The following RHPN2 variants were observed in gnomAD, a reference collection of about 807,000 sequenced individuals.
RHPN2 encodes rhophilin-2.
Under a neutral mutation model 79.0 loss-of-function variants are expected in RHPN2, and 40 were observed. The observed-to-expected ratio is 0.51, with a 90% CI of 0.39 to 0.66. The LOEUF is 0.66. Among genes scored for constraint, RHPN2 ranks in the 30% least tolerant of loss-of-function variants. RHPN2 has a pLI of 0.00. For missense variants in RHPN2, 686 were observed against 883.5 expected (o/e 0.78, Z 2.83); for synonymous variants, 285 against 363.5 (o/e 0.78, Z 2.46).
chr19:32,984,714 G>A (rs1374541994), intron 14 of RHPN2, among the ~76,000 whole-genome samples: 1 of 152,122 alleles, frequency 6.6e-6, no homozygotes, highest in African/African-American at 2.4e-5. Flanking sequence ...CTATTCGGGA[G>A]GCTGATTCAA....
intron 7 of RHPN2, among the ~76,000 whole-genome samples, chr19:33,007,274 G>A (rs1971798756): frequency 6.6e-6 from 1 of 151,816 alleles, no homozygotes; most frequent in Admixed American, 6.6e-5. Context: ...AACACCTGAG[G>A]TCAGGAGTTC....
intron 2 of RHPN2, among the ~76,000 whole-genome samples, chr19:33,034,605 C>CAAAAAAAAA (rs71176187): frequency 3.1e-5 from 3 of 95,682 alleles, no homozygotes; most frequent in African/African-American, 9.3e-5. Context: ...GACTCCGTCT[C>CAAAAAAAAA]AAAAAAAAAA....
At chr19:32,986,592 G>A (rs1971614570) in intron 14 of RHPN2, among the ~76,000 whole-genome samples, 2 of 151,982 alleles carry the variant, frequency 1.3e-5, no homozygotes, top group South Asian at 2.1e-4. Flanking sequence ...TCAGGAGTTC[G>A]AGACCAGCCT....
At position 32,993,835 on chromosome 19, in the gene RHPN2, C is replaced by T; in HGVS notation, c.1497+142G>A. 3 of 699,734 alleles carry T rather than the reference C, an allele frequency of 4.3e-6. No individual in the cohort carries two copies. The South Asian group carries it at 4.5e-5, about 10-fold the overall frequency. 43.3% of individuals were successfully genotyped at this position (699,734 alleles called of 1,614,324 possible). On this transcript the variant is annotated intron_variant, in intron 12 of 14. Coordinates refer to ENST00000254260, the MANE Select transcript of RHPN2 (RefSeq NM_033103.5). ...GTCTTGGACTTCCCAGCCTCCGGAA[C>T]TAAGAAATATATTTCTGCTGTCATA... is the stretch of plus-strand genomic sequence containing the variant.
At position 33,064,798 on chromosome 19, in the gene RHPN2, C is replaced by T. The variant is rs926832944; in HGVS notation, c.55G>A (p.Gly19Ser). The change falls in exon 1 of 15, where the codon GGC (glycine) becomes AGC (serine). Residue 19 changes from glycine to serine, a missense_variant. Coordinates refer to ENST00000254260, the MANE Select transcript of RHPN2 (RefSeq NM_033103.5). ...AAGCCGCCCACCTTCCGAAAGTAGC[C>T]GTCGTTCTCCTTCTCCAGCGGCTGG... is the stretch of plus-strand genomic sequence containing the variant. Reference protein sequence around the residue: ...APQPLEKENDGYFRKGCNPLA... With the variant: ...APQPLEKENDSYFRKGCNPLA... The T allele has an allele frequency of 2.1e-6, 3 of 1,434,694 alleles. No homozygotes were observed. The highest frequency in any genetic ancestry group is 2.5e-4 in the Middle Eastern group (1 of 3,950). 88.9% of individuals were successfully genotyped at this position (1,434,694 alleles called of 1,614,324 possible).
chr19:33,041,328 C>A (rs555821321), intron 2 of RHPN2, among the ~76,000 whole-genome samples: 1 of 152,312 alleles, frequency 6.6e-6, no homozygotes, highest in South Asian at 2.1e-4. Context: ...GAGACAGCCA[C>A]GTAATGGGTC....
Position 32,999,708 on chromosome 19 carries a change from G to T in RHPN2, c.1106-3C>A, listed in dbSNP as rs547986365. On this transcript the variant is annotated splice_polypyrimidine_tract_variant and splice_region_variant and intron_variant, in intron 9 of 14. Coordinates refer to ENST00000254260, the MANE Select transcript of RHPN2 (RefSeq NM_033103.5). ...GTCCAGATCCGTGCCTGGCTTCACT[G>T]CAAAGAGAACCACAGGTTAAATCCC... 5 of 1,611,424 alleles carry T rather than the reference G, an allele frequency of 3.1e-6. No individual in the cohort carries two copies. The East Asian group carries it at 1.1e-4, about 36-fold the overall frequency.
At chr19:32,987,072 C>T (rs1971618198) in intron 14 of RHPN2, among the ~76,000 whole-genome samples, 1 of 151,636 alleles carries the variant, frequency 6.6e-6, no homozygotes, top group South Asian at 2.1e-4. Context: ...GAGACAAGGT[C>T]TCGCCATGTT....
rs192441007 is a variant in RHPN2, at chr19:33,011,590, C to A, written c.593+89G>T. On this transcript the variant is annotated intron_variant, in intron 6 of 14. Transcript: ENST00000254260. ...GAAAGGGGGCTGAGGTGCACAGGGG[C>A]ACCCGCAGAGGGGCGTCTGTGATGC... 5.2e-3 allele frequency: 7,923 copies of A among 1,538,068 alleles called. 44 individuals are homozygous for A. The highest frequency in any genetic ancestry group is 9.3e-3 in the Middle Eastern group (49 of 5,268).
intron 4 of RHPN2, among the ~76,000 whole-genome samples, chr19:33,017,019 C>T (rs1296529590): frequency 1.3e-5 from 2 of 152,086 alleles, no homozygotes; most frequent in Admixed American, 1.3e-4. Context: ...AGAACATGAC[C>T]CAGTTGAATC....
At chr19:33,027,392 G>T in intron 2 of RHPN2, 1 of 152,702 alleles carries the variant, frequency 6.5e-6, no homozygotes, top group Non-Finnish European at 1.5e-5. Flanking sequence ...CATGCCTATA[G>T]TCCCAGGCAG....
intron 3 of RHPN2, among the ~76,000 whole-genome samples, chr19:33,024,653 A>C (rs1356736473): frequency 2.7e-5 from 4 of 148,870 alleles, no homozygotes; most frequent in African/African-American, 7.6e-5. Flanking sequence ...TTTCCGACTG[A>C]GTTTCCCCTG....
Position 33,064,831 on chromosome 19 carries a change from C to G in RHPN2, c.22G>C (p.Ala8Pro). The change falls in exon 1 of 15, where the codon GCG becomes CCG. Residue 8 changes from alanine to proline, a missense_variant. Physicochemically the swap from Ala to Pro is conservative, Grantham distance 27 (BLOSUM62 -1). Coordinates refer to ENST00000254260, the MANE Select transcript of RHPN2 (RefSeq NM_033103.5). MTDALLP[A>P]APQPLEKEND... The stretch of plus-strand genomic sequence containing the variant: ...TCCTTCTCCAGCGGCTGGGGGGCCG[C>G]GGGCAACAGCGCGTCGGTCATGCTA... 1.5e-6 allele frequency: 2 copies of G among 1,373,854 alleles called. No homozygotes were observed. The highest frequency in any genetic ancestry group is 1.9e-6 in the Non-Finnish European group (2 of 1,049,454). The allele number at this position is 1,373,854 out of a possible 1,614,324, so 85.1% of individuals were successfully genotyped here.
intron 1 of RHPN2, among the ~76,000 whole-genome samples, chr19:33,057,681 A>G (rs1168361164): frequency 7.6e-6 from 1 of 131,236 alleles, no homozygotes; most frequent in African/African-American, 3.6e-5. Flanking sequence ...ATCTCAAAAA[A>G]AAAAAAAAAG....
chr19:32,990,565 C>T lies in RHPN2; in HGVS notation c.1749G>A (p.Glu583=), dbSNP rs899232458. The T allele has an allele frequency of 8.7e-6, 14 of 1,613,752 alleles. No individual in the cohort carries two copies. Among genetic ancestry groups the T allele is most frequent in the Non-Finnish European group, 1.2e-5 (14 of 1,179,868 alleles). The change falls in exon 14 of 15, where the codon GAG becomes GAA. Residue 583 remains glutamate, a synonymous_variant. Coordinates refer to ENST00000254260, the MANE Select transcript of RHPN2 (RefSeq NM_033103.5). ...EVMKLLKSFG[E]DEIEMKVVSL... The stretch of plus-strand genomic sequence containing the variant: ...TCACGACTTTCATCTCGATCTCGTC[C>T]TCGCCAAAGCTCTTCAGCAGCTTCA...
intron 2 of RHPN2, among the ~76,000 whole-genome samples, chr19:33,030,180 T>C (rs1405788023): frequency 6.6e-6 from 1 of 152,172 alleles, no homozygotes; most frequent in East Asian, 1.9e-4. Context: ...CTTGTGGCCC[T>C]GGAAGTCCAC....
intron 9 of RHPN2, among the ~76,000 whole-genome samples, chr19:33,001,372 AT>A (rs1292011017): frequency 4.0e-5 from 6 of 151,122 alleles, no homozygotes; most frequent in East Asian, 1.9e-4. Flanking sequence ...CTCCATCTCT[AT>A]AAAAAAAAAA....
Position 32,999,627 on chromosome 19 carries a change from G to A in RHPN2, c.1184C>T (p.Pro395Leu), listed in dbSNP as rs1255689355. The A allele has an allele frequency of 5.6e-6, 9 of 1,613,044 alleles. No homozygotes were observed. In the East Asian group the frequency reaches 2.0e-4, roughly 36 times the overall value. The part of the protein sequence containing the change: ...LYDHMPEGLT[P>L]LATLKNDQQR... ...CTGATCATTCTTCAGTGTGGCCAAGGGTGTCAGCCCCTCTGGCATGTGGTC... is the reference window on the plus strand; with the variant it reads ...CTGATCATTCTTCAGTGTGGCCAAGAGTGTCAGCCCCTCTGGCATGTGGTC... The change falls in exon 10 of 15, where the codon CCC becomes CTC. Residue 395 changes from proline (P) to leucine (L), a missense_variant. Coordinates refer to ENST00000254260, the MANE Select transcript of RHPN2 (RefSeq NM_033103.5).
At position 32,994,044 on chromosome 19, in the gene RHPN2, T is replaced by C; in HGVS notation, c.1430A>G (p.Glu477Gly). 2 of 1,611,090 alleles carry C rather than the reference T, an allele frequency of 1.2e-6. No homozygotes were observed. Among genetic ancestry groups the C allele is most frequent in the Non-Finnish European group, 1.7e-6 (2 of 1,177,366 alleles). ...IDAPSVVAKT[E>G]QEVDIILPQF... Reference sequence around the variant, plus strand: ...GGGCAATATAATGTCAACCTCTTGCTCAGTTTTAGCTAGAATAGAGGATTA... The same window carrying C: ...GGGCAATATAATGTCAACCTCTTGCCCAGTTTTAGCTAGAATAGAGGATTA... The change falls in exon 12 of 15, where the codon GAG (glutamate) becomes GGG (glycine). Residue 477 changes from glutamate (E) to glycine (G), a missense_variant. Glu to Gly is a moderately conservative substitution (Grantham distance 98). Transcript: ENST00000254260.
Sources: allele counts gnomAD v4.1 joint callset (sites outside exome capture counted in the v4.1 genomes callset), GRCh38; gene constraint gnomAD v4.1.1; transcripts MANE v1.5; gene names NCBI Gene and HGNC (gene_info 2026-07-23, HGNC 2026-07-21).